The following RIMS2 variants were observed in gnomAD, a reference collection of about 807,000 sequenced individuals.
RIMS2 encodes regulating synaptic membrane exocytosis 2.
A neutral mutation model predicts 174.4 loss-of-function variants in RIMS2; 59 were observed. That is an observed-to-expected ratio of 0.34 (90% CI 0.27 to 0.42). RIMS2 has a LOEUF of 0.42. RIMS2 is among the 10% of genes least tolerant of loss of function. The pLI is 1.00. For synonymous variants in RIMS2, 606 were observed against 572.5 expected (o/e 1.06, Z -0.84); for missense variants, 1,620 against 1,666.3 (o/e 0.97, Z 0.48).
In RIMS2 at chr8:104,071,017, G is replaced by A. The variant is rs554399279; in HGVS notation, c.3334+56402G>A. ...CTGAGCTTCTTAACAAGCAGCAAAGGCAGAAAGGGAAACTTGATCAGTTAT... is the reference window on the plus strand; with the variant it reads ...CTGAGCTTCTTAACAAGCAGCAAAGACAGAAAGGGAAACTTGATCAGTTAT... On this transcript the variant is annotated intron_variant, in intron 19 of 23. Transcript: ENST00000504942. Among the ~76,000 whole-genome samples the A allele has an allele frequency of 8.8e-4, 134 of 152,082 alleles. 1 individual carries two copies. In the South Asian group the frequency reaches 0.027, roughly 30 times the overall value.
chr8:103,767,020 G>T (rs1399264362), intron 3 of RIMS2, among the ~76,000 whole-genome samples: 2 of 152,116 alleles, frequency 1.3e-5, no homozygotes, highest in Non-Finnish European at 2.9e-5. Context: ...TATAGTGAAG[G>T]ATTTCATGAG....
chr8:103,558,690 G>T (rs2091000911), intron 1 of RIMS2, among the ~76,000 whole-genome samples: 1 of 151,906 alleles, frequency 6.6e-6, no homozygotes, highest in African/African-American at 2.4e-5. Flanking sequence ...CTTTGAGATT[G>T]TAAATATGAA....
At chr8:103,922,045 C>G (rs1035690230) in intron 10 of RIMS2, 1 of 229,816 alleles carries the variant, frequency 4.4e-6, no homozygotes. Flanking sequence ...GTAATTATAA[C>G]AAAATTCAAG....
chr8:103,778,926 T>C (rs2098351801), intron 3 of RIMS2, among the ~76,000 whole-genome samples: 1 of 152,208 alleles, frequency 6.6e-6, no homozygotes, highest in African/African-American at 2.4e-5. Context: ...TCCTTGTCTT[T>C]TTGAAGAAGT....
chr8:103,717,301 T>C (rs1272566341), intron 2 of RIMS2, among the ~76,000 whole-genome samples: 7 of 131,360 alleles, frequency 5.3e-5, no homozygotes, highest in African/African-American at 1.9e-4. Context: ...TCTTTCTTTT[T>C]CTTTCCTTAA....
At chr8:103,984,909 T>TTA (rs2094221541) in intron 16 of RIMS2, among the ~76,000 whole-genome samples, 1 of 152,164 alleles carries the variant, frequency 6.6e-6, no homozygotes, top group South Asian at 2.1e-4. Context: ...CTGGAGGTCG[T>TTA]TATATCAAGT....
intron 12 of RIMS2, among the ~76,000 whole-genome samples, chr8:103,935,551 G>A (rs184219909): frequency 1.3e-5 from 2 of 152,184 alleles, no homozygotes; most frequent in Non-Finnish European, 2.9e-5. Context: ...AAAACTCTTG[G>A]AACTGTGTTG....
chr8:103,956,090 A>G (rs1034215183), intron 14 of RIMS2, among the ~76,000 whole-genome samples: 1 of 152,236 alleles, frequency 6.6e-6, no homozygotes, highest in Non-Finnish European at 1.5e-5. Context: ...CCACTGCTCA[A>G]GGAAGTAAGA....
chr8:104,245,036 A>G (rs921175935), exon 20 of RIMS2: 1 of 1,613,696 alleles, frequency 6.2e-7, no homozygotes, highest in Admixed American at 1.7e-5. Context: ...GGTAGCATGA[A>G]CAGCTACAGC....
intron 1 of RIMS2, among the ~76,000 whole-genome samples, chr8:103,529,376 C>T (rs900950857): frequency 6.6e-6 from 1 of 152,232 alleles, no homozygotes; most frequent in Admixed American, 6.5e-5. Context: ...TGATCTCAGA[C>T]TGCTGTGCTA....
At chr8:103,524,116 G>A (rs1264740653) in intron 1 of RIMS2, among the ~76,000 whole-genome samples, 1 of 152,084 alleles carries the variant, frequency 6.6e-6, no homozygotes, top group African/African-American at 2.4e-5. Flanking sequence ...CATTTGAACT[G>A]CTGATTGTTT....
intron 19 of RIMS2, among the ~76,000 whole-genome samples, chr8:104,227,022 C>T (rs1206648393): frequency 2.0e-5 from 3 of 152,040 alleles, no homozygotes; most frequent in African/African-American, 7.2e-5. Context: ...GATAATTTTT[C>T]AAGAATGTTA....
Position 103,730,619 on chromosome 8 carries a change from C to T in RIMS2, c.387+33323C>T, listed in dbSNP as rs182331999. ...CTACTCAAGTTATGCATACCTTACA[C>T]GTCACAATTACATTGGTGTAATCTT... On this transcript the variant is annotated intron_variant, in intron 2 of 23. Transcript: ENST00000504942. 3.0e-3 allele frequency among the ~76,000 whole-genome samples: 464 copies of T among 152,276 alleles called. 5 individuals are homozygous for T. Among genetic ancestry groups the T allele is most frequent in the Non-Finnish European group, 4.8e-3 (329 of 68,012 alleles).
At chr8:104,005,410 T>C (rs1386621970) in intron 17 of RIMS2, among the ~76,000 whole-genome samples, 1 of 152,144 alleles carries the variant, frequency 6.6e-6, no homozygotes, top group Non-Finnish European at 1.5e-5. Flanking sequence ...AAGGCTACAA[T>C]GGAAGCAGAG....
chr8:104,029,280 C>T (rs1304127749), intron 19 of RIMS2, among the ~76,000 whole-genome samples: 1 of 152,152 alleles, frequency 6.6e-6, no homozygotes, highest in East Asian at 1.9e-4. Flanking sequence ...CCTGTCTCAT[C>T]CTGTGACTTA....
intron 1 of RIMS2, among the ~76,000 whole-genome samples, chr8:103,560,943 A>G (rs1282446226): frequency 6.6e-6 from 1 of 152,238 alleles, no homozygotes; most frequent in African/African-American, 2.4e-5. Flanking sequence ...ATCAGTGAAA[A>G]CAAACCAACA....
At chr8:104,110,807 A>C (rs749723217) in intron 19 of RIMS2, among the ~76,000 whole-genome samples, 6 of 152,184 alleles carry the variant, frequency 3.9e-5, no homozygotes, top group Non-Finnish European at 7.4e-5. Context: ...CTTCTCATCA[A>C]CATTCACAGC....
chr8:104,038,298 G>A (rs72683166), intron 19 of RIMS2, among the ~76,000 whole-genome samples: 19,632 of 151,628 alleles, frequency 0.13, 1,706 homozygotes, highest in Non-Finnish European at 0.19. Context: ...AAAAAATACC[G>A]CACTTGTTTT....
chr8:103,675,461 T>TG (rs1241791164), intron 1 of RIMS2, among the ~76,000 whole-genome samples: 6 of 152,188 alleles, frequency 3.9e-5, no homozygotes, highest in Non-Finnish European at 8.8e-5. Flanking sequence ...GCCCTGCAGC[T>TG]GGTGGTCTAA....
Sources: allele counts gnomAD v4.1 joint callset (sites outside exome capture counted in the v4.1 genomes callset), GRCh38; gene constraint gnomAD v4.1.1; transcripts MANE v1.5; gene names NCBI Gene and HGNC (gene_info 2026-07-23, HGNC 2026-07-21).